The following TMEM132D variants were observed in gnomAD, a reference collection of about 807,000 sequenced individuals.
The protein encoded by TMEM132D is transmembrane protein 132D, also known as mature OL transmembrane protein.
TMEM132D carries 21 observed loss-of-function variants against 62.3 expected under a neutral mutation model. That is an observed-to-expected ratio of 0.34 (90% CI 0.24 to 0.49). TMEM132D has a LOEUF of 0.49. TMEM132D is among the 20% of genes least tolerant of loss of function. The pLI is 0.99. For synonymous variants in TMEM132D, 621 were observed against 575.6 expected (o/e 1.08, Z -1.13); for missense variants, 1,346 against 1,402.8 (o/e 0.96, Z 0.65).
chr12:129,898,224 AATG>A (rs1166746860), intron 1 of TMEM132D, among the ~76,000 whole-genome samples: 4 of 152,234 alleles, frequency 2.6e-5, no homozygotes, highest in African/African-American at 9.6e-5. Flanking sequence ...CTGTCAGGTA[AATG>A]ATTTCCAGCA....
chr12:129,865,726 A>G (rs569948788), intron 1 of TMEM132D, among the ~76,000 whole-genome samples: 3 of 152,310 alleles, frequency 2.0e-5, no homozygotes, highest in African/African-American at 7.2e-5. Flanking sequence ...GGCATCCTCT[A>G]TGCCCGGCAC....
chr12:129,757,592 C>T (rs1352948443), intron 1 of TMEM132D, among the ~76,000 whole-genome samples: 1 of 152,176 alleles, frequency 6.6e-6, no homozygotes, highest in African/African-American at 2.4e-5. Flanking sequence ...CCACCTACTT[C>T]TTCTCCAGTA....
chr12:129,902,413 G>C (rs1875391191), intron 1 of TMEM132D, among the ~76,000 whole-genome samples: 1 of 152,200 alleles, frequency 6.6e-6, no homozygotes, highest in African/African-American at 2.4e-5. Context: ...AAGCAGCCCA[G>C]GTCAATCATG....
At chr12:129,841,071 ATT>A (rs1593182782) in intron 1 of TMEM132D, among the ~76,000 whole-genome samples, 1 of 152,144 alleles carries the variant, frequency 6.6e-6, no homozygotes, top group Non-Finnish European at 1.5e-5. Context: ...AAAGAATCAA[ATT>A]TTGGCACTGC....
intron 3 of TMEM132D, among the ~76,000 whole-genome samples, chr12:129,408,453 T>TA (rs1248275743): frequency 6.6e-6 from 1 of 151,602 alleles, no homozygotes; most frequent in Non-Finnish European, 1.5e-5. Flanking sequence ...TTTTTTTTTT[T>TA]ATCATTTCAG....
chr12:129,740,891 T>G (rs1320617198), intron 1 of TMEM132D, among the ~76,000 whole-genome samples: 1 of 152,226 alleles, frequency 6.6e-6, no homozygotes, highest in Non-Finnish European at 1.5e-5. Context: ...CTCAAGGATT[T>G]CCTGTACACA....
chr12:129,876,048 T>A (rs964217899), intron 1 of TMEM132D, among the ~76,000 whole-genome samples: 1 of 152,188 alleles, frequency 6.6e-6, no homozygotes, highest in African/African-American at 2.4e-5. Flanking sequence ...ATGCTGAGAC[T>A]TCATTCGACA....
chr12:129,273,007 C>T (rs7309953), intron 4 of TMEM132D, among the ~76,000 whole-genome samples: 14,216 of 151,826 alleles, frequency 0.094, 867 homozygotes, highest in South Asian at 0.16. Context: ...ACCACCCTGG[C>T]CAACACAGTG....
intron 2 of TMEM132D, among the ~76,000 whole-genome samples, chr12:129,609,941 G>A (rs998893653): frequency 1.2e-4 from 19 of 152,184 alleles, no homozygotes; most frequent in Admixed American, 2.0e-4. Flanking sequence ...TGACAACAGT[G>A]ACATCCTCTC....
At chr12:129,577,192 G>C (rs1877688812) in intron 2 of TMEM132D, among the ~76,000 whole-genome samples, 1 of 151,780 alleles carries the variant, frequency 6.6e-6, no homozygotes, top group South Asian at 2.1e-4. Context: ...TACTGGAGAT[G>C]AACTGCCCAT....
At chr12:129,881,681 G>A (rs7305774) in intron 1 of TMEM132D, among the ~76,000 whole-genome samples, 1 of 151,892 alleles carries the variant, frequency 6.6e-6, no homozygotes, top group Non-Finnish European at 1.5e-5. Flanking sequence ...AGGAACTGAT[G>A]TAAGTAGAAA....
At chr12:129,336,446 G>A (rs960392664) in intron 4 of TMEM132D, among the ~76,000 whole-genome samples, 60 of 151,974 alleles carry the variant, frequency 3.9e-4, no homozygotes, top group African/African-American at 1.4e-3. Context: ...CATGGTGGTG[G>A]GCACCTGTAA....
intron 3 of TMEM132D, among the ~76,000 whole-genome samples, chr12:129,444,597 C>T (rs1395331590): frequency 6.6e-6 from 1 of 152,136 alleles, no homozygotes; most frequent in Non-Finnish European, 1.5e-5. Context: ...GCTATTTTTC[C>T]TGATGCTCTC....
intron 2 of TMEM132D, among the ~76,000 whole-genome samples, chr12:129,572,292 G>A (rs1055897450): frequency 3.9e-5 from 6 of 152,220 alleles, no homozygotes; most frequent in Non-Finnish European, 7.3e-5. Context: ...CCTTGACGCC[G>A]CCTGTTGAAT....
intron 2 of TMEM132D, among the ~76,000 whole-genome samples, chr12:129,537,169 A>AAAAAAAG (rs1876417730): frequency 1.3e-5 from 2 of 151,960 alleles, no homozygotes; most frequent in South Asian, 4.2e-4. Flanking sequence ...AAAAAAAAAA[A>AAAAAAAG]AAAAATTCAT....
intron 3 of TMEM132D, among the ~76,000 whole-genome samples, chr12:129,450,747 CTTCTTTTTTT>C (rs1873249441): frequency 1.7e-5 from 2 of 115,086 alleles, no homozygotes; most frequent in East Asian, 5.1e-4. Context: ...GTTTCCATCG[CTTCTTTTTTT>C]TTTTTTTTTT....
intron 3 of TMEM132D, among the ~76,000 whole-genome samples, chr12:129,526,130 G>A (rs1194897611): frequency 2.0e-5 from 3 of 152,068 alleles, no homozygotes; most frequent in African/African-American, 7.2e-5. Flanking sequence ...CTATTATATT[G>A]TACTGCAAAT....
chr12:129,299,071 G>T (rs2135625561), intron 4 of TMEM132D, among the ~76,000 whole-genome samples: 1 of 152,250 alleles, frequency 6.6e-6, no homozygotes, highest in Admixed American at 6.5e-5. Context: ...AGTTCCCAAG[G>T]TCGATCTGTG....
chr12:129,540,935 T>C (rs1038693595), intron 2 of TMEM132D, among the ~76,000 whole-genome samples: 1 of 152,224 alleles, frequency 6.6e-6, no homozygotes, highest in Non-Finnish European at 1.5e-5. Flanking sequence ...TGTGCCCAGC[T>C]TCATTCAACA....
Sources: allele counts gnomAD v4.1 joint callset (sites outside exome capture counted in the v4.1 genomes callset), GRCh38; gene constraint gnomAD v4.1.1; transcripts MANE v1.5; gene names NCBI Gene and HGNC (gene_info 2026-07-23, HGNC 2026-07-21).